The following SUMF1 variants were observed in gnomAD, a reference collection of about 807,000 sequenced individuals.
The protein encoded by SUMF1 is sulfatase modifying factor 1, also known as formylglycine-generating enzyme.
A neutral mutation model predicts 47.6 loss-of-function variants in SUMF1; 48 were observed. The observed-to-expected ratio is 1.01, with a 90% CI of 0.80 to 1.28. The LOEUF (loss-of-function observed/expected upper bound fraction) is 1.28. Among genes scored for constraint, SUMF1 ranks in the 50% most tolerant of loss-of-function variants. SUMF1 has a pLI of 0.00. For synonymous variants in SUMF1, 230 were observed against 192.1 expected (o/e 1.20, Z -1.63); for missense variants, 571 against 485.4 (o/e 1.18, Z -1.66).
chr3:4,159,417 A>G (rs992567649), intron 8 of SUMF1, among the ~76,000 whole-genome samples: 1 of 147,912 alleles, frequency 6.8e-6, no homozygotes, highest in African/African-American at 2.7e-5. Context: ...ACAAACCAGC[A>G]AAAAAACCAT....
chr3:4,344,199 G>A (rs1364779544), intron 8 of SUMF1, among the ~76,000 whole-genome samples: 1 of 152,212 alleles, frequency 6.6e-6, no homozygotes, highest in Non-Finnish European at 1.5e-5. Flanking sequence ...CTAGAAGGCT[G>A]TCGTGACCCA....
intron 8 of SUMF1, among the ~76,000 whole-genome samples, chr3:4,141,720 T>C (rs1694075220): frequency 6.6e-6 from 1 of 152,114 alleles, no homozygotes; most frequent in African/African-American, 2.4e-5. Flanking sequence ...TGCACTTTTA[T>C]GGCACTTCAT....
At chr3:4,251,934 C>A (rs954855316) in intron 8 of SUMF1, among the ~76,000 whole-genome samples, 1 of 152,138 alleles carries the variant, frequency 6.6e-6, no homozygotes, top group Admixed American at 6.5e-5. Context: ...AACAGACCTA[C>A]AGTAGTGTAA....
chr3:4,146,884 G>A (rs1227798313), intron 8 of SUMF1, among the ~76,000 whole-genome samples: 1 of 152,042 alleles, frequency 6.6e-6, no homozygotes, highest in South Asian at 2.1e-4. Context: ...TTTTATGGCT[G>A]CATAGTATTC....
In SUMF1 at chr3:4,295,490, A is replaced by G. The variant is rs914256743; in HGVS notation, c.1014+80840T>C. On this transcript the variant is annotated intron_variant and NMD_transcript_variant, in intron 8 of 12. Transcript: ENST00000448413. Reference sequence around the variant, plus strand: ...TGAGAAGGAAGATCTAGTACTCTAGAAAAAATTCTGTTTATAGGTGGTATG... The same window carrying G: ...TGAGAAGGAAGATCTAGTACTCTAGGAAAAATTCTGTTTATAGGTGGTATG... Among the ~76,000 whole-genome samples, 7 of 152,094 alleles carry G rather than the reference A, an allele frequency of 4.6e-5. No individual in the cohort carries two copies. In the East Asian group the frequency reaches 1.4e-3, roughly 30 times the overall value.
intron 9 of SUMF1, among the ~76,000 whole-genome samples, chr3:4,050,474 G>A (rs989977085): frequency 6.6e-6 from 1 of 151,932 alleles, no homozygotes; most frequent in Non-Finnish European, 1.5e-5. Context: ...AGGTGTAGTG[G>A]CTCATGCCTG....
At chr3:4,109,633 C>CT (rs1162635928) in intron 8 of SUMF1, among the ~76,000 whole-genome samples, 4 of 151,956 alleles carry the variant, frequency 2.6e-5, no homozygotes, top group Non-Finnish European at 5.9e-5. Context: ...TCTTTTTATT[C>CT]TTTTTTCTCT....
intron 8 of SUMF1, among the ~76,000 whole-genome samples, chr3:4,267,499 T>G (rs1305071214): frequency 6.6e-6 from 1 of 152,194 alleles, no homozygotes; most frequent in Non-Finnish European, 1.5e-5. Flanking sequence ...CTAGATTTTC[T>G]AGTTTATTTG....
At chr3:4,396,472 A>T (rs1214431759) in intron 7 of SUMF1, among the ~76,000 whole-genome samples, 1 of 152,222 alleles carries the variant, frequency 6.6e-6, no homozygotes, top group Non-Finnish European at 1.5e-5. Context: ...CCTACCGCAC[A>T]GGCCAGGTAG....
chr3:4,066,302 T>A (rs1012374829), intron 9 of SUMF1, among the ~76,000 whole-genome samples: 5 of 152,136 alleles, frequency 3.3e-5, no homozygotes, highest in African/African-American at 1.2e-4. Context: ...AAGATGGTTT[T>A]CATAAAACGA....
chr3:4,042,814 GC>G (rs369537772), intron 9 of SUMF1, among the ~76,000 whole-genome samples: 41 of 152,186 alleles, frequency 2.7e-4, no homozygotes, highest in African/African-American at 9.9e-4. Context: ...TTGATGGGTT[GC>G]GGGGGAGAAA....
intron 8 of SUMF1, among the ~76,000 whole-genome samples, chr3:4,193,332 T>C (rs1236773927): frequency 2.0e-5 from 3 of 152,140 alleles, no homozygotes. Flanking sequence ...ATGGCCTTTA[T>C]AATAAGACTG....
At chr3:4,281,456 T>C (rs1018404049) in intron 8 of SUMF1, among the ~76,000 whole-genome samples, 4 of 152,178 alleles carry the variant, frequency 2.6e-5, no homozygotes, top group African/African-American at 7.2e-5. Flanking sequence ...AACAATCCTA[T>C]GCCATAGATA....
chr3:4,332,932 G>A (rs375612073), intron 8 of SUMF1, among the ~76,000 whole-genome samples: 114 of 152,312 alleles, frequency 7.5e-4, no homozygotes, highest in Middle Eastern at 3.4e-3. Context: ...TGGTAGAACA[G>A]TGCAGCAGAG....
intron 8 of SUMF1, among the ~76,000 whole-genome samples, chr3:4,300,743 T>G (rs1180022455): frequency 1.3e-5 from 2 of 152,156 alleles, no homozygotes; most frequent in Non-Finnish European, 2.9e-5. Context: ...TATAAAAGAC[T>G]AGGGAAAGAA....
chr3:4,411,074 T>A, intron 6 of SUMF1, 96 bp from the exon 7 acceptor site: 2 of 1,009,524 alleles, frequency 2.0e-6, no homozygotes, highest in African/African-American at 1.6e-5. Flanking sequence ...AATTTCAGAG[T>A]ATGAATGTTG....
chr3:4,358,902 G>A (rs1460917394), downstream of SUMF1, among the ~76,000 whole-genome samples: 2 of 152,190 alleles, frequency 1.3e-5, no homozygotes, highest in Non-Finnish European at 2.9e-5. Flanking sequence ...GGCTGCAAAG[G>A]ATCAACTGGC....
At chr3:4,315,715 T>C (rs1321052281) in intron 8 of SUMF1, among the ~76,000 whole-genome samples, 4 of 152,126 alleles carry the variant, frequency 2.6e-5, no homozygotes, top group Non-Finnish European at 5.9e-5. Context: ...TATTATCCCA[T>C]GATAAAATAA....
intron 8 of SUMF1, among the ~76,000 whole-genome samples, chr3:4,083,820 C>T (rs150061711): frequency 1.4e-5 from 2 of 147,672 alleles, no homozygotes; most frequent in African/African-American, 5.1e-5. Flanking sequence ...ATGACATCAT[C>T]GTTGGCACAC....
Sources: allele counts gnomAD v4.1 joint callset (sites outside exome capture counted in the v4.1 genomes callset), GRCh38; gene constraint gnomAD v4.1.1; transcripts MANE v1.5; gene names NCBI Gene and HGNC (gene_info 2026-07-23, HGNC 2026-07-21).